Variants in HMMR observed in about 807,000 individuals in gnomAD.
HMMR encodes the protein intracellular hyaluronic acid-binding protein.
A neutral mutation model predicts 101.0 loss-of-function variants in HMMR; 108 were observed. The ratio of observed to expected loss-of-function variants is 1.07; its 90% CI spans 0.92 to 1.25. The LOEUF (loss-of-function observed/expected upper bound fraction) is 1.25. Ranked by LOEUF, HMMR falls within the 50% of genes most tolerant of loss-of-function variation. HMMR has a pLI of 0.00. For missense variants in HMMR, 813 were observed against 788.7 expected, an observed-to-expected ratio of 1.03 and a Z score of -0.37; for synonymous variants, 296 against 276.4, an observed-to-expected ratio of 1.07 and a Z score of -0.70.
intron 12 of HMMR, 89 bp downstream of exon 12, chr5:163,478,889 C>G: frequency 1.3e-6 from 1 of 747,144 alleles, no homozygotes; most frequent in Non-Finnish European, 2.4e-6. Context: ...AGCAGTCACA[C>G]AAAGGATGAT....
intron 11 of HMMR, among the ~76,000 whole-genome samples, chr5:163,478,083 A>G (rs985114267): frequency 8.5e-5 from 13 of 152,198 alleles, no homozygotes; most frequent in Admixed American, 3.9e-4. Flanking sequence ...TAAAAATTTT[A>G]TCACCACTTT....
chr5:163,477,851 G>C (rs1254845125), intron 11 of HMMR, among the ~76,000 whole-genome samples: 1 of 152,230 alleles, frequency 6.6e-6, no homozygotes, highest in Non-Finnish European at 1.5e-5. Flanking sequence ...TCCTCTAGGG[G>C]ACAGGGAAGA....
rs201404287 is a variant in HMMR, at chr5:163,469,773, A to G, written c.406A>G (p.Thr136Ala). Residue 136 changes from threonine (T) to alanine (A), a missense_variant, in exon 5 of 18, where the codon ACA becomes GCA. Coordinates refer to ENST00000393915, the MANE Select transcript of HMMR (RefSeq NM_001142556.2). ...AACATCTCTCTCTGCAAATAATGCT[A>G]CACTGGAAAAACAACTTATTGAATT... ...EKTSLSANNATLEKQLIELTR... is the reference protein window; with the variant it reads ...EKTSLSANNAALEKQLIELTR... 3.7e-5 allele frequency: 60 copies of G among 1,612,448 alleles called. No individual in the cohort carries two copies. In the Middle Eastern group the frequency reaches 5.0e-4, roughly 13 times the overall value.
At chr5:163,470,565 GAA>G (rs1386822539) in intron 5 of HMMR, among the ~76,000 whole-genome samples, 2 of 152,226 alleles carry the variant, frequency 1.3e-5, no homozygotes, top group Non-Finnish European at 2.9e-5. Context: ...TGAGGCATGA[GAA>G]TAGCTTGAAC....
chr5:163,490,388 A>G lies in HMMR; in HGVS notation c.1963-2A>G, dbSNP rs1561649655. 16 of 1,546,004 alleles carry G rather than the reference A, an allele frequency of 1.0e-5. No homozygotes were observed. The highest frequency in any genetic ancestry group is 7.1e-5 in the South Asian group (6 of 84,422). On this transcript the variant is annotated splice_acceptor_variant, in intron 16 of 17. Coordinates refer to ENST00000393915, the MANE Select transcript of HMMR (RefSeq NM_001142556.2). LOFTEE classifies it high-confidence loss of function. ...TATTACCTATTATTTCTTTTTACCT[A>G]GGAAGTATCAAAACTCCGCTGTCAG... is the stretch of plus-strand genomic sequence containing the variant.
intron 1 of HMMR, 100 bp from the exon 2 acceptor site, chr5:163,463,752 TGTTA>T: frequency 2.1e-6 from 1 of 477,744 alleles, no homozygotes. Context: ...AAAAGCAGTT[TGTTA>T]ATGACATTTT....
intron 10 of HMMR, 96 bp from the exon 11 acceptor site, chr5:163,475,362 G>T: frequency 3.3e-6 from 2 of 609,130 alleles, no homozygotes. Flanking sequence ...GTTGAATTTA[G>T]GTTTCATCCT....
chr5:163,463,108 C>A (rs1173016593), intron 1 of HMMR, among the ~76,000 whole-genome samples: 1 of 152,168 alleles, frequency 6.6e-6, no homozygotes, highest in Non-Finnish European at 1.5e-5. Context: ...GCCTTCAAAT[C>A]TGGGACTTTA....
intron 4 of HMMR, among the ~76,000 whole-genome samples, chr5:163,468,053 T>C (rs1359755056): frequency 1.3e-5 from 2 of 152,250 alleles, no homozygotes; most frequent in African/African-American, 4.8e-5. Context: ...TATCTATCCA[T>C]CGTTCACAGT....
rs575277729 is a variant in HMMR at position 163,481,264 on chromosome 5, T to C, written c.1386-1378T>C. Among the ~76,000 whole-genome samples, 3 of 151,614 alleles carry C rather than the reference T, an allele frequency of 2.0e-5. No individual in the cohort carries two copies. In the East Asian group the frequency reaches 5.8e-4, roughly 29 times the overall value. ...AAGTGTATATGTTTTATTTATAATT[T>C]TTATTGTATCAGAACATATAAATCA... On this transcript the variant is annotated intron_variant, in intron 12 of 17. Transcript: ENST00000393915.
intron 3 of HMMR, 63 bp downstream of exon 3, chr5:163,464,865 T>A (rs1758649756): frequency 1.0e-6 from 1 of 990,176 alleles, no homozygotes; most frequent in Non-Finnish European, 1.6e-6. Context: ...CTGAAAGTAT[T>A]GTATTTGATT....
chr5:163,472,282 A>G (rs1258381058), intron 7 of HMMR, among the ~76,000 whole-genome samples: 2 of 152,012 alleles, frequency 1.3e-5, no homozygotes, highest in Non-Finnish European at 2.9e-5. Flanking sequence ...CGTTCTGTAT[A>G]CTGTAATTTT....
In HMMR at chr5:163,463,874, G is replaced by A. The variant is rs553750421; in HGVS notation, c.65G>A (p.Gly22Asp). ...NDPSGCAPSP[G>D]AYDVKTLEVL... ...CCTCTAGGTTGTGCACCATCTCCAGGTGCTTATGATGTTAAAACTTTAGAA... is the reference window on the plus strand; with the variant it reads ...CCTCTAGGTTGTGCACCATCTCCAGATGCTTATGATGTTAAAACTTTAGAA... Residue 22 changes from glycine to aspartate, a missense_variant, in exon 2 of 18, where the codon GGT (glycine) becomes GAT (aspartate). Gly to Asp is a moderately conservative substitution (Grantham distance 94). Coordinates refer to ENST00000393915, the MANE Select transcript of HMMR (RefSeq NM_001142556.2). 4.8e-6 allele frequency: 7 copies of A among 1,468,436 alleles called. No homozygotes were observed. In the African/African-American group the frequency reaches 1.0e-4, roughly 21 times the overall value. 91.0% of individuals were successfully genotyped at this position (1,468,436 alleles called of 1,614,324 possible).
Position 163,478,818 on chromosome 5 carries a change from C to A in HMMR, c.1385+18C>A. ...TTTGAAAGGTATTTTTCTTGGGAGC[C>A]TGCACTCTTAAATATGATGTGTGCA... On this transcript the variant is annotated intron_variant, in intron 12 of 17. Transcript: ENST00000393915. 2 of 1,339,564 alleles carry A rather than the reference C, an allele frequency of 1.5e-6. No individual in the cohort carries two copies. Among genetic ancestry groups the A allele is most frequent in the Non-Finnish European group, 2.2e-6 (2 of 929,438 alleles). The allele number at this position is 1,339,564 out of a possible 1,614,324, so 83.0% of individuals were successfully genotyped here. A position where few individuals can be genotyped will look rare whatever the true frequency, so the allele number is the denominator to read the frequency against.
chr5:163,464,405 C>A (rs1425117664), intron 2 of HMMR, among the ~76,000 whole-genome samples: 3 of 152,142 alleles, frequency 2.0e-5, no homozygotes, highest in African/African-American at 7.2e-5. Flanking sequence ...CACATGAGTT[C>A]AGGATTTCGA....
chr5:163,482,906 C>T lies in HMMR; in HGVS notation c.1533-114C>T, dbSNP rs1021384589. 3 of 1,314,492 alleles carry T rather than the reference C, an allele frequency of 2.3e-6. No homozygotes were observed. In the African/African-American group the frequency reaches 4.5e-5, roughly 20 times the overall value. 81.4% of individuals were successfully genotyped at this position (1,314,492 alleles called of 1,614,324 possible). A position where few individuals can be genotyped will look rare whatever the true frequency, so the allele number is the denominator to read the frequency against. On this transcript the variant is annotated intron_variant, in intron 13 of 17. Coordinates refer to ENST00000393915, the MANE Select transcript of HMMR (RefSeq NM_001142556.2). The stretch of plus-strand genomic sequence containing the variant: ...TTATACTGCAAATTAAGAATTTACT[C>T]AGTTAAAAAATGACACTTCTTGAAG...
In HMMR at chr5:163,483,029, A is replaced by G; in HGVS notation, c.1542A>G (p.Leu514=). The G allele has an allele frequency of 1.9e-6, 3 of 1,599,750 alleles. No homozygotes were observed. The highest frequency in any genetic ancestry group is 1.4e-5 in the African/African-American group (1 of 73,826). Residue 514 remains leucine, a synonymous_variant, in exon 14 of 18, where the codon CTA becomes CTG. Transcript: ENST00000393915. ...SSNQEYVRML[L]DLQTKSALKE... ...CTCTCTCAAACCAAAGGATGCTTCT[A>G]GATCTGCAGACCAAGTCAGCACTAA...
Position 163,482,789 on chromosome 5 carries a change from G to T in HMMR, c.1532+1G>T, listed in dbSNP as rs780974831. ...AGAGCTCAAATCAAGAATATGTAAG[G>T]TATATAGAGCAAATAATGGCCTTAG... On this transcript the variant is annotated splice_donor_variant, in intron 13 of 17. Transcript: ENST00000393915. LOFTEE classifies it high-confidence loss of function. 5 of 1,611,374 alleles carry T rather than the reference G, an allele frequency of 3.1e-6. No homozygotes were observed. Among genetic ancestry groups the T allele is most frequent in the Non-Finnish European group, 4.2e-6 (5 of 1,177,814 alleles).
intron 16 of HMMR, among the ~76,000 whole-genome samples, chr5:163,485,638 T>C (rs914718252): frequency 2.6e-5 from 4 of 152,232 alleles, no homozygotes; most frequent in Non-Finnish European, 5.9e-5. Context: ...TTCTTGATGA[T>C]GTCCTTTGAC....
Sources: gnomAD v4.1 joint callset for allele counts (sites outside exome capture counted in the v4.1 genomes callset) on GRCh38, gnomAD v4.1.1 for gene constraint, MANE v1.5 for transcripts, NCBI Gene and HGNC (gene_info 2026-07-23, HGNC 2026-07-21) for gene names.